The following CYP4F22 variants were observed in gnomAD, a reference collection of about 807,000 sequenced individuals.
CYP4F22 encodes the protein ultra-long-chain fatty acid omega-hydroxylase.
A neutral mutation model predicts 60.4 loss-of-function variants in CYP4F22; 37 were observed. The observed-to-expected ratio is 0.61, with a 90% CI of 0.47 to 0.81. CYP4F22 has a LOEUF of 0.81. CYP4F22 is among the 30% of genes least tolerant of loss of function. CYP4F22 has a pLI of 0.00. For synonymous variants in CYP4F22, 258 were observed against 280.5 expected, an observed-to-expected ratio of 0.92 and a Z score of 0.80; for missense variants, 655 against 715.0, an observed-to-expected ratio of 0.92 and a Z score of 0.96.
At position 15,544,132 on chromosome 19, in the gene CYP4F22, A is replaced by G. The variant is rs746708996; in HGVS notation, c.1007-18A>G. On this transcript the variant is annotated intron_variant, in intron 9 of 13. Transcript: ENST00000269703. ...TTCTTCAGGCAGCCTCCATTCAGAT[A>G]CCCTCATCTCCCTGCAGGTCACGAC... is the stretch of plus-strand genomic sequence containing the variant. 1 of 1,613,942 alleles carries G rather than the reference A, an allele frequency of 6.2e-7. No individual in the cohort carries two copies. Among genetic ancestry groups the G allele is most frequent in the East Asian group, 2.2e-5 (1 of 44,890 alleles).
intron 12 of CYP4F22, among the ~76,000 whole-genome samples, chr19:15,550,072 G>T (rs1012221023): frequency 6.6e-6 from 1 of 152,140 alleles, no homozygotes; most frequent in African/African-American, 2.4e-5. Flanking sequence ...GGGATTACAG[G>T]TGTGTGCCAC....
chr19:15,536,497 G>A (rs893358106), intron 4 of CYP4F22, among the ~76,000 whole-genome samples: 1 of 152,090 alleles, frequency 6.6e-6, no homozygotes, highest in Non-Finnish European at 1.5e-5. Context: ...GAGCAGGAAG[G>A]GGCGTGGTCA....
intron 4 of CYP4F22, among the ~76,000 whole-genome samples, chr19:15,532,548 TA>T: frequency 6.7e-6 from 1 of 149,978 alleles, no homozygotes; most frequent in African/African-American, 2.5e-5. Flanking sequence ...CTAATTTTTG[TA>T]TTTTTTTTTT....
At chr19:15,531,129 C>G (rs1971338285) in intron 4 of CYP4F22, among the ~76,000 whole-genome samples, 1 of 152,132 alleles carries the variant, frequency 6.6e-6, no homozygotes, top group South Asian at 2.1e-4. Flanking sequence ...GTAGTCTCGG[C>G]TACTTGGGTG....
chr19:15,537,713 C>A, intron 6 of CYP4F22, 51 bp downstream of exon 6: 1 of 1,607,390 alleles, frequency 6.2e-7, no homozygotes, highest in South Asian at 1.1e-5. Flanking sequence ...TGAGGCTGGT[C>A]CAGGCTCCAA....
At chr19:15,512,545 A>T (rs1271680178) in intron 1 of CYP4F22, among the ~76,000 whole-genome samples, 1 of 151,796 alleles carries the variant, frequency 6.6e-6, no homozygotes, top group Admixed American at 6.6e-5. Flanking sequence ...ACCTCAAGTG[A>T]TCCTCCCTCC....
At chr19:15,522,666 G>A (rs73512632) in intron 1 of CYP4F22, among the ~76,000 whole-genome samples, 5,514 of 152,272 alleles carry the variant, frequency 0.036, 148 homozygotes, top group South Asian at 0.09. Context: ...CTGCGTGATA[G>A]AGTGAGACCC....
At chr19:15,537,460 AG>A (rs1259351684) in intron 5 of CYP4F22, 46 bp downstream of exon 5, 4 of 1,614,088 alleles carry the variant, frequency 2.5e-6, no homozygotes, top group Non-Finnish European at 3.4e-6. Context: ...TAGAGAAGAG[AG>A]GGAAGAGCAT....
rs938331601 is a variant in CYP4F22 at position 15,520,105 on chromosome 19, G to A, written c.-108-3588G>A. ...CAAGCCTGTAATCCCAGCACTTTGG[G>A]AGGCCGAGGCGAGCAGATCACGAAG... On this transcript the variant is annotated intron_variant, in intron 1 of 13. Coordinates refer to ENST00000269703, the MANE Select transcript of CYP4F22 (RefSeq NM_173483.4). Among the ~76,000 whole-genome samples the A allele has an allele frequency of 5.9e-5, 9 of 152,214 alleles. No homozygotes were observed. The South Asian group carries it at 6.2e-4, about 11-fold the overall frequency.
At chr19:15,547,998 AGAGAGT>A (rs1568364001) in intron 10 of CYP4F22, 104 bp from the exon 11 acceptor site, 4,595 of 314,694 alleles carry the variant, frequency 0.015, 405 homozygotes, top group South Asian at 0.02. Context: ...AGAGAGAGGG[AGAGAGT>A]GTGTGTGTGT....
intron 8 of CYP4F22, among the ~76,000 whole-genome samples, 174 bp from the exon 9 acceptor site, chr19:15,543,797 C>A (rs1370861135): frequency 6.7e-6 from 1 of 148,978 alleles, no homozygotes; most frequent in Non-Finnish European, 1.5e-5. Flanking sequence ...TCGGAGGCTG[C>A]AGTTAGCCGA....
At chr19:15,512,062 T>C (rs1971098959) in intron 1 of CYP4F22, among the ~76,000 whole-genome samples, 1 of 152,190 alleles carries the variant, frequency 6.6e-6, no homozygotes, top group Non-Finnish European at 1.5e-5. Context: ...TTTGAATTGC[T>C]CTCACTTCTA....
At chr19:15,520,735 A>G (rs570750644) in intron 1 of CYP4F22, among the ~76,000 whole-genome samples, 70 of 145,080 alleles carry the variant, frequency 4.8e-4, no homozygotes, top group African/African-American at 1.8e-3. Context: ...CTACAGGCGA[A>G]TGCTGCCATG....
chr19:15,537,883 G>A lies in CYP4F22; in HGVS notation c.561G>A (p.Arg187=), dbSNP rs1199243515. The A allele has an allele frequency of 1.2e-6, 2 of 1,613,954 alleles. No homozygotes were observed. The highest frequency in any genetic ancestry group is 1.7e-4 in the Middle Eastern group (1 of 5,880). The change falls in exon 7 of 14, where the codon CGG becomes CGA. Residue 187 remains arginine, a synonymous_variant. Transcript: ENST00000269703. ...TATCTCTCTTCCAGGCTAAATGGCG[G>A]CATCTGGCAGAGGGCTCAGCGGTCT... ...QSADIMHAKW[R]HLAEGSAVSL...
chr19:15,509,904 C>CCTTCCTTCCTTCCTTCCTTT (rs1323141197), intron 1 of CYP4F22, among the ~76,000 whole-genome samples: 10 of 86,694 alleles, frequency 1.2e-4, no homozygotes, highest in African/African-American at 4.1e-4. Context: ...TTCCTTCCTT[C>CCTTCCTTCCTTCCTTCCTTT]CTTTCTTTCT....
chr19:15,543,347 C>T (rs1416322150), intron 8 of CYP4F22, among the ~76,000 whole-genome samples: 1 of 152,092 alleles, frequency 6.6e-6, no homozygotes, highest in African/African-American at 2.4e-5. Flanking sequence ...AGGCATGCAT[C>T]ACCACACCTG....
chr19:15,537,645 A>T lies in CYP4F22; in HGVS notation c.532A>T (p.Ser178Cys), dbSNP rs16980531. Residue 178 changes from serine (S) to cysteine (C), a missense_variant, in exon 6 of 14, where the codon AGC (serine) becomes TGC (cysteine). This residue lies in a region of CYP4F22 where 430 missense variants were observed against 457.1 expected (regional missense o/e 0.94). Transcript: ENST00000269703. The stretch of plus-strand genomic sequence containing the variant: ...GCCTTACATGAAGATCTTCAACCAG[A>T]GCGCTGACATTATGCATGTGAGTCC... ...LKPYMKIFNQ[S>C]ADIMHAKWRH... The T allele has an allele frequency of 7.0e-3, 11,311 of 1,613,354 alleles. 629 individuals are homozygous for T. The African/African-American group carries it at 0.13, about 18-fold the overall frequency.
At chr19:15,518,035 A>G (rs895106734) in intron 1 of CYP4F22, among the ~76,000 whole-genome samples, 1 of 152,126 alleles carries the variant, frequency 6.6e-6, no homozygotes, top group South Asian at 2.1e-4. Context: ...GTTGTGGTCC[A>G]TGACAAAAAG....
Position 15,547,996 on chromosome 19 carries a change from G to GGA in CYP4F22, c.1137-106_1137-105dup, listed in dbSNP as rs1239429207. ...GAGAGAGAGAGAGAGAGAGAGAGAG[G>GGA]GAGAGAGTGTGTGTGTGTGTGTGTG... On this transcript the variant is annotated intron_variant, in intron 10 of 13. Coordinates refer to ENST00000269703, the MANE Select transcript of CYP4F22 (RefSeq NM_173483.4). 3.8e-3 allele frequency: 461 copies of GGA among 120,186 alleles called. 30 individuals are homozygous for GGA. The highest frequency in any genetic ancestry group is 9.2e-3 in the Admixed American group (72 of 7,850). The allele number at this position is 120,186 out of a possible 1,614,324, so 7.4% of individuals were successfully genotyped here. A position where few individuals can be genotyped will look rare whatever the true frequency, so the allele number is the denominator to read the frequency against.
Sources: allele counts gnomAD v4.1 joint callset (sites outside exome capture counted in the v4.1 genomes callset), GRCh38; gene constraint gnomAD v4.1.1; regional missense constraint gnomAD v4.1.1; transcripts MANE v1.5; gene names NCBI Gene and HGNC (gene_info 2026-07-23, HGNC 2026-07-21).